DNAH12: variants seen among roughly 807,000 people sequenced by gnomAD.
DNAH12 encodes the protein dynein axonemal heavy chain 12.
In DNAH12, 285 loss-of-function variants were observed where a neutral mutation model predicts 371.5. The ratio of observed to expected loss-of-function variants is 0.77; its 90% CI spans 0.70 to 0.85. The LOEUF is 0.85. DNAH12 is among the 40% of genes least tolerant of loss of function. The pLI is 0.00. For synonymous variants in DNAH12, 1,200 were observed against 1,213.0 expected (o/e 0.99, Z 0.22); for missense variants, 3,611 against 3,689.4 (o/e 0.98, Z 0.55).
the DNAH12 span, among the ~76,000 whole-genome samples, chr3:57,553,235 C>G: frequency 6.6e-6 from 1 of 152,246 alleles, no homozygotes; most frequent in East Asian, 1.9e-4. Flanking sequence ...CCTGCATCAG[C>G]CAGTCTCATC....
Position 57,452,893 on chromosome 3 carries a change from A to G in DNAH12, c.3736T>C (p.Ser1246Pro). Residue 1246 changes from serine to proline, a missense_variant, in exon 25 of 74, where the codon TCA (serine) becomes CCA (proline). Ser to Pro is a moderately conservative substitution (Grantham distance 74). Around this residue, in one of 3 missense-constraint regions of DNAH12, gnomAD observed 2,266 missense variants for 2,236.9 expected, o/e 1.01. Transcript: ENST00000495027. ...VKYAYEYLGN[S>P]PRLVITPLTD... is the part of the protein sequence containing the mutation. Reference sequence around the variant, plus strand: ...AGAGGCGTAATGACAAGTCGAGGTGAGTTACCAAGATATTCATAAGCATAT... The same window carrying G: ...AGAGGCGTAATGACAAGTCGAGGTGGGTTACCAAGATATTCATAAGCATAT... 6.4e-7 allele frequency: 1 copy of G among 1,551,166 alleles called. No individual in the cohort carries two copies. The highest frequency in any genetic ancestry group is 1.4e-5 in the African/African-American group (1 of 73,144).
chr3:57,357,913 A>G (rs1002372344), intron 58 of DNAH12, among the ~76,000 whole-genome samples: 2 of 152,218 alleles, frequency 1.3e-5, no homozygotes, highest in East Asian at 1.9e-4. Flanking sequence ...CTAGCTTCTC[A>G]TATGTTTAAT....
chr3:57,504,419 A>AT (rs576735500), intron 8 of DNAH12, among the ~76,000 whole-genome samples: 3,042 of 151,154 alleles, frequency 0.02, 92 homozygotes, highest in African/African-American at 0.067. Flanking sequence ...ATATATACAT[A>AT]TTTTTTTTTA....
At chr3:57,475,334 AAGAGAGAAAGAG>A (rs892083591) in intron 13 of DNAH12, among the ~76,000 whole-genome samples, 4 of 152,112 alleles carry the variant, frequency 2.6e-5, no homozygotes. Context: ...GGAAGAAAGA[AAGAGAGAAAGAG>A]AGAGACAAAG....
chr3:57,448,359 CT>C (rs2065603025), intron 25 of DNAH12, among the ~76,000 whole-genome samples: 1 of 151,832 alleles, frequency 6.6e-6, no homozygotes, highest in Non-Finnish European at 1.5e-5. Flanking sequence ...TTCATTCCTC[CT>C]GGTGGGCTCG....
intron 2 of DNAH12, among the ~76,000 whole-genome samples, chr3:57,537,695 T>G (rs1413709313): frequency 6.6e-6 from 1 of 151,664 alleles, no homozygotes; most frequent in Non-Finnish European, 1.5e-5. Flanking sequence ...AAAGTTTTTT[T>G]TTTTTTTTGA....
intron 7 of DNAH12, among the ~76,000 whole-genome samples, 178 bp from the exon 8 acceptor site, chr3:57,508,016 A>G (rs930545021): frequency 5.3e-5 from 8 of 151,848 alleles, no homozygotes; most frequent in African/African-American, 1.9e-4. Context: ...GTAAAACCCC[A>G]TCTCTACTAA....
intron 25 of DNAH12, among the ~76,000 whole-genome samples, chr3:57,447,274 C>T (rs1238616219): frequency 6.6e-6 from 1 of 152,118 alleles, no homozygotes; most frequent in African/African-American, 2.4e-5. Context: ...TCTTTTTTCT[C>T]ATCAATTAGT....
chr3:57,339,579 G>A (rs1553655418), intron 60 of DNAH12, among the ~76,000 whole-genome samples: 2 of 151,888 alleles, frequency 1.3e-5, no homozygotes, highest in Non-Finnish European at 2.9e-5. Context: ...CAAATAGCTA[G>A]AAAAGAGGAT....
intron 34 of DNAH12, among the ~76,000 whole-genome samples, chr3:57,426,527 G>A (rs759107007): frequency 4.6e-5 from 7 of 151,882 alleles, no homozygotes; most frequent in Non-Finnish European, 1.0e-4. Flanking sequence ...TATCAAGAAG[G>A]GAAAATCAAT....
rs900293450 is a variant in DNAH12, at chr3:57,361,078, G to A, written c.9360+2516C>T. On this transcript the variant is annotated intron_variant, in intron 58 of 73. Transcript: ENST00000495027. The stretch of plus-strand genomic sequence containing the variant: ...AAAAATATCATTCAGGGCCGGGCAC[G>A]GTGACTCACGCCTGTAATCCCTGCA... Among the ~76,000 whole-genome samples, 181 of 151,746 alleles carry A rather than the reference G, an allele frequency of 1.2e-3. No homozygotes were observed. The East Asian group carries it at 0.02, about 17-fold the overall frequency.
chr3:57,524,712 A>G lies in DNAH12; in HGVS notation c.171-828T>C, dbSNP rs191342697. Among the ~76,000 whole-genome samples the G allele has an allele frequency of 1.5e-4, 23 of 152,260 alleles. No individual in the cohort carries two copies. In the East Asian group the frequency reaches 3.7e-3, roughly 24 times the overall value. On this transcript the variant is annotated intron_variant, in intron 2 of 73. Transcript: ENST00000495027. ...CCATTAGCAATGAGCTTTAAATGAA[A>G]GAGAGGATTTCAGGTGGAGACATAG... is the stretch of plus-strand genomic sequence containing the variant.
At chr3:57,321,419 G>T (rs2061803377) in intron 65 of DNAH12, among the ~76,000 whole-genome samples, 1 of 152,112 alleles carries the variant, frequency 6.6e-6, no homozygotes, top group Non-Finnish European at 1.5e-5. Context: ...TACATGTTGG[G>T]GTGAGGGCAG....
intron 39 of DNAH12, among the ~76,000 whole-genome samples, chr3:57,409,139 C>T (rs540877951): frequency 6.6e-6 from 1 of 152,144 alleles, no homozygotes; most frequent in African/African-American, 2.4e-5. Flanking sequence ...AATGAAATTT[C>T]AAAGAAGTTT....
chr3:57,311,064 T>G lies in DNAH12; in HGVS notation c.10663-114A>C, dbSNP rs527739899. On this transcript the variant is annotated intron_variant, in intron 66 of 73. Transcript: ENST00000495027. ...GGGTTGAAAGAATTATCATGAGTTG[T>G]CTTTCGGTAGCTGAGATTGTTAGTT... 3 of 776,182 alleles carry G rather than the reference T, an allele frequency of 3.9e-6. No individual in the cohort carries two copies. The African/African-American group carries it at 5.3e-5, about 14-fold the overall frequency. The allele number at this position is 776,182 out of a possible 1,614,324, so 48.1% of individuals were successfully genotyped here. A position where few individuals can be genotyped will look rare whatever the true frequency, so the allele number is the denominator to read the frequency against.
intron 34 of DNAH12, chr3:57,428,334 C>T (rs2064846991): frequency 1.8e-6 from 2 of 1,138,286 alleles, no homozygotes; most frequent in African/African-American, 3.3e-5. Flanking sequence ...AACTCATAAA[C>T]TCACTAAATG....
At chr3:57,383,468 T>C (rs1054747824) in intron 49 of DNAH12, among the ~76,000 whole-genome samples, 5 of 147,470 alleles carry the variant, frequency 3.4e-5, no homozygotes, top group Non-Finnish European at 6.0e-5. Flanking sequence ...CTTAAATTAA[T>C]GCTCATGGTC....
At chr3:57,428,581 A>T in intron 34 of DNAH12, 52 bp downstream of exon 34, 1 of 1,510,888 alleles carries the variant, frequency 6.6e-7, no homozygotes, top group Middle Eastern at 1.7e-4. Context: ...AGACTTAGTC[A>T]AGTTGAATGG....
intron 11 of DNAH12, chr3:57,498,675 C>T (rs2067399355): frequency 1.5e-6 from 1 of 677,458 alleles, no homozygotes; most frequent in East Asian, 2.7e-5. Flanking sequence ...AAACTATATA[C>T]CTATACAGTG....
Sources: allele counts gnomAD v4.1 joint callset (sites outside exome capture counted in the v4.1 genomes callset), GRCh38; gene constraint gnomAD v4.1.1; regional missense constraint gnomAD v4.1.1; transcripts MANE v1.5; gene names NCBI Gene and HGNC (gene_info 2026-07-23, HGNC 2026-07-21).